Variants in TNRC6C observed in about 807,000 individuals in gnomAD.
The protein encoded by TNRC6C is trinucleotide repeat containing adaptor 6C.
In TNRC6C, 20 loss-of-function variants were observed where a neutral mutation model predicts 153.7. The observed-to-expected ratio is 0.13, with a 90% CI of 0.09 to 0.19. The LOEUF (loss-of-function observed/expected upper bound fraction) is 0.19. TNRC6C is among the 10% of genes least tolerant of loss of function. The pLI is 1.00. For missense variants in TNRC6C, 1,987 were observed against 2,172.0 expected, an observed-to-expected ratio of 0.91 and a Z score of 1.69; for synonymous variants, 811 against 841.4, an observed-to-expected ratio of 0.96 and a Z score of 0.63.
At chr17:78,032,602 T>C (rs181348648) in intron 2 of TNRC6C, among the ~76,000 whole-genome samples, 2 of 152,376 alleles carry the variant, frequency 1.3e-5, no homozygotes, top group East Asian at 3.9e-4. Flanking sequence ...AACTAATAAT[T>C]GGTGCTGTTT....
At chr17:77,968,598 CT>C (rs2070917335) in intron 1 of TNRC6C, among the ~76,000 whole-genome samples, 1 of 152,202 alleles carries the variant, frequency 6.6e-6, no homozygotes, top group African/African-American at 2.4e-5. Context: ...CCACCTCGGC[CT>C]CCCAAAGTGC....
intron 13 of TNRC6C, among the ~76,000 whole-genome samples, chr17:78,089,331 T>G (rs542982220): frequency 6.6e-6 from 1 of 152,352 alleles, no homozygotes; most frequent in Non-Finnish European, 1.5e-5. Context: ...GCAGTGAATC[T>G]TTGAAATTAG....
intron 18 of TNRC6C, 85 bp from the exon 22 acceptor site, chr17:78,103,329 C>A: frequency 6.6e-7 from 1 of 1,511,190 alleles, no homozygotes; most frequent in Non-Finnish European, 9.0e-7. Flanking sequence ...TTAGTGTATC[C>A]AATTTCATAC....
In TNRC6C at chr17:78,026,077, C is replaced by G. The variant is rs192556571; in HGVS notation, c.-545-5439C>G. ...GGAAGTGAATCCAAGTTTTTGAGGT[C>G]TCTAGCCTTAGTATTTTTTTATTTC... On this transcript the variant is annotated intron_variant, in intron 1 of 19. Coordinates refer to ENST00000301624, the Ensembl canonical transcript of TNRC6C. 8.1e-4 allele frequency among the ~76,000 whole-genome samples: 123 copies of G among 151,004 alleles called. 1 individual carries two copies. Among genetic ancestry groups the G allele is most frequent in the Admixed American group, 7.5e-3 (114 of 15,274 alleles).
intron 16 of TNRC6C, among the ~76,000 whole-genome samples, chr17:78,097,114 C>G (rs1400086620): frequency 2.6e-5 from 4 of 152,160 alleles, no homozygotes; most frequent in Admixed American, 2.0e-4. Flanking sequence ...ACTCCGGAGG[C>G]TGAGGCAAGA....
chr17:78,073,118 A>G, intron 7 of TNRC6C, 24 bp downstream of exon 9: 3 of 1,538,180 alleles, frequency 2.0e-6, no homozygotes, highest in East Asian at 2.4e-5. Context: ...CATCCTTTTT[A>G]AAAAGGTACC....
chr17:77,984,734 T>G (rs1372047791), intron 1 of TNRC6C, among the ~76,000 whole-genome samples: 6 of 152,176 alleles, frequency 3.9e-5, no homozygotes. Context: ...CTTCTAGGTC[T>G]TTCTGCTACT....
intron 2 of TNRC6C, among the ~76,000 whole-genome samples, chr17:78,036,669 A>T (rs2072185588): frequency 6.6e-6 from 1 of 152,174 alleles, no homozygotes; most frequent in Non-Finnish European, 1.5e-5. Flanking sequence ...CACACCTGTA[A>T]TCCCAGCAGT....
intron 1 of TNRC6C, among the ~76,000 whole-genome samples, chr17:78,030,413 C>T (rs1409080479): frequency 1.3e-5 from 2 of 152,048 alleles, no homozygotes; most frequent in East Asian, 1.9e-4. Context: ...ATCCGCCCAC[C>T]GTGGCCTCCC....
chr17:77,974,397 CT>C (rs1369720162), intron 1 of TNRC6C, among the ~76,000 whole-genome samples: 1 of 152,086 alleles, frequency 6.6e-6, no homozygotes, highest in East Asian at 1.9e-4. Context: ...TCTAAATCAT[CT>C]TTTGTTGGCA....
At chr17:78,059,124 A>AT (rs1168191583) in intron 3 of TNRC6C, among the ~76,000 whole-genome samples, 1 of 152,254 alleles carries the variant, frequency 6.6e-6, no homozygotes, top group Non-Finnish European at 1.5e-5. Context: ...ATTCTTTAGT[A>AT]TAAAAACTAC....
At chr17:78,100,763 G>T (rs2073576664) in intron 17 of TNRC6C, among the ~76,000 whole-genome samples, 1 of 143,928 alleles carries the variant, frequency 6.9e-6, no homozygotes, top group South Asian at 2.2e-4. Context: ...TCAGAAAATG[G>T]GATTTCCTTT....
intron 2 of TNRC6C, among the ~76,000 whole-genome samples, chr17:78,046,290 T>C (rs1465760935): frequency 1.3e-5 from 2 of 151,764 alleles, no homozygotes; most frequent in Non-Finnish European, 2.9e-5. Context: ...CGAGTGATAC[T>C]CCTGCCTCAA....
At chr17:78,102,409 TG>T (rs2073613441) in intron 17 of TNRC6C, 64 bp from the exon 21 acceptor site, 4 of 1,438,772 alleles carry the variant, frequency 2.8e-6, no homozygotes, top group Non-Finnish European at 2.9e-6. Flanking sequence ...CAATAAGAAG[TG>T]GGGAGGGCCG....
intron 5 of TNRC6C, among the ~76,000 whole-genome samples, chr17:78,068,686 C>T (rs1227078172): frequency 2.0e-5 from 3 of 152,054 alleles, no homozygotes; most frequent in Admixed American, 6.6e-5. Flanking sequence ...CCCAGCTACT[C>T]GGGAGGCTGA....
intron 1 of TNRC6C, among the ~76,000 whole-genome samples, chr17:78,030,840 C>T (rs538424338): frequency 2.0e-5 from 3 of 152,086 alleles, no homozygotes; most frequent in East Asian, 1.9e-4. Context: ...GGCTCACACC[C>T]GTAATCCCAG....
chr17:78,023,316 C>T (rs2071872025), intron 1 of TNRC6C, among the ~76,000 whole-genome samples: 1 of 152,154 alleles, frequency 6.6e-6, no homozygotes, highest in African/African-American at 2.4e-5. Context: ...AGCTAGCCAT[C>T]CAGTGTCAGT....
intron 1 of TNRC6C, among the ~76,000 whole-genome samples, chr17:77,988,415 T>C (rs2071203287): frequency 6.6e-6 from 1 of 152,164 alleles, no homozygotes; most frequent in Non-Finnish European, 1.5e-5. Context: ...TATTTTTCCA[T>C]TGCATCTTCT....
chr17:78,094,512 C>G (rs1314243620), intron 16 of TNRC6C, among the ~76,000 whole-genome samples: 5 of 150,906 alleles, frequency 3.3e-5, no homozygotes, highest in Non-Finnish European at 7.4e-5. Context: ...GATCTTGGCT[C>G]ACTGCAACCT....
Sources: gnomAD v4.1 joint callset for allele counts (sites outside exome capture counted in the v4.1 genomes callset) on GRCh38, gnomAD v4.1.1 for gene constraint, MANE v1.5 for transcripts, NCBI Gene and HGNC (gene_info 2026-07-23, HGNC 2026-07-21) for gene names.